SCUBE2: variants seen among roughly 807,000 people sequenced by gnomAD.
SCUBE2 encodes the protein signal peptide, CUB and EGF-like domain-containing protein 2.
In SCUBE2, 114 loss-of-function variants were observed where a neutral mutation model predicts 125.9. The observed-to-expected ratio is 0.91, with a 90% CI of 0.78 to 1.06. The LOEUF (loss-of-function observed/expected upper bound fraction) is 1.06. Among genes scored for constraint, SCUBE2 ranks in the 50% least tolerant of loss-of-function variants. SCUBE2 has a pLI of 0.00. For synonymous variants in SCUBE2, 459 were observed against 492.9 expected (o/e 0.93, Z 0.91); for missense variants, 1,255 against 1,301.8 (o/e 0.96, Z 0.55).
chr11:9,050,570 A>C, intron 14 of SCUBE2, 36 bp downstream of exon 14: 1 of 1,546,052 alleles, frequency 6.5e-7, no homozygotes, highest in East Asian at 2.2e-5. Context: ...TCCCACATGC[A>C]GGCAAGCTCC....
chr11:9,071,936 G>T (rs1314341813), intron 4 of SCUBE2, among the ~76,000 whole-genome samples: 1 of 152,016 alleles, frequency 6.6e-6, no homozygotes, highest in Non-Finnish European at 1.5e-5. Flanking sequence ...CGGGGGTGAT[G>T]TGCTTCTCTC....
chr11:9,069,319 C>T, intron 5 of SCUBE2, 51 bp downstream of exon 5: 1 of 1,604,194 alleles, frequency 6.2e-7, no homozygotes, highest in Non-Finnish European at 8.5e-7. Context: ...CAGAAGGCAG[C>T]CTGTGGAATA....
chr11:9,087,332 T>G (rs976944429), intron 2 of SCUBE2, among the ~76,000 whole-genome samples: 2 of 152,182 alleles, frequency 1.3e-5, no homozygotes, highest in Non-Finnish European at 1.5e-5. Context: ...ACACAGCAAC[T>G]GGAGGACGTG....
intron 3 of SCUBE2, among the ~76,000 whole-genome samples, chr11:9,074,817 C>A (rs1039026382): frequency 1.3e-5 from 2 of 152,228 alleles, no homozygotes; most frequent in Non-Finnish European, 2.9e-5. Flanking sequence ...GCCAGGACCG[C>A]CACATGGACA....
chr11:9,045,652 C>T (rs1464578656), intron 16 of SCUBE2, among the ~76,000 whole-genome samples: 3 of 147,308 alleles, frequency 2.0e-5, no homozygotes, highest in Non-Finnish European at 4.5e-5. Context: ...CACACACACA[C>T]ACAGCCTTGT....
At chr11:9,064,250 A>G (rs1016791214) in intron 7 of SCUBE2, among the ~76,000 whole-genome samples, 1 of 152,168 alleles carries the variant, frequency 6.6e-6, no homozygotes, top group African/African-American at 2.4e-5. Flanking sequence ...GCAGATCGCT[A>G]GAGCCCAGGA....
At chr11:9,029,511 C>A (rs1466138515) in intron 19 of SCUBE2, among the ~76,000 whole-genome samples, 1 of 152,356 alleles carries the variant, frequency 6.6e-6, no homozygotes, top group East Asian at 1.9e-4. Context: ...GAGCTCCTTG[C>A]AGGTTCAGCG....
At chr11:9,021,810 C>A in intron 22 of SCUBE2, 66 bp downstream of exon 22, 1 of 1,203,986 alleles carries the variant, frequency 8.3e-7, no homozygotes, top group Non-Finnish European at 1.2e-6. Flanking sequence ...GGAGGAGAAG[C>A]CTTCTCCAAC....
At chr11:9,028,843 G>A (rs1163726922) in intron 19 of SCUBE2, among the ~76,000 whole-genome samples, 5 of 152,168 alleles carry the variant, frequency 3.3e-5, no homozygotes, top group East Asian at 3.9e-4. Context: ...TTCTAACACT[G>A]TGAGCTTTCT....
At position 9,065,909 on chromosome 11, in the gene SCUBE2, T is replaced by C; in HGVS notation, c.832A>G (p.Lys278Glu). ...TGCCTACCCATGAGCAGCCGCCGTTTCACCCGTTTATCCCCATCCACCACT... is the reference window on the plus strand; with the variant it reads ...TGCCTACCCATGAGCAGCCGCCGTTCCACCCGTTTATCCCCATCCACCACT... Reference protein sequence around the residue: ...TSVVDGDKRVKRRLLMETCAV... With the variant: ...TSVVDGDKRVERRLLMETCAV... The change falls in exon 7 of 23, where the codon AAA (lysine) becomes GAA (glutamate). Residue 278 changes from lysine to glutamate, a missense_variant. This residue lies in a region of SCUBE2 where 378 missense variants were observed against 463.1 expected (regional missense o/e 0.82). Coordinates refer to ENST00000649792, the MANE Select transcript of SCUBE2 (RefSeq NM_001367977.2). 6.2e-7 allele frequency: 1 copy of C among 1,614,160 alleles called. No individual in the cohort carries two copies. Among genetic ancestry groups the C allele is most frequent in the Non-Finnish European group, 8.5e-7 (1 of 1,179,996 alleles).
chr11:9,045,897 C>T lies in SCUBE2; in HGVS notation c.2002+1459G>A, dbSNP rs74549338. Among the ~76,000 whole-genome samples, 19 of 152,126 alleles carry T rather than the reference C, an allele frequency of 1.2e-4. No homozygotes were observed. In the East Asian group the frequency reaches 3.5e-3, roughly 28 times the overall value. ...GAGCTCCTGAGACAAGACACATTGGCTCCCCTAGAAACAAATCAAACCTAA... is the reference window on the plus strand; with the variant it reads ...GAGCTCCTGAGACAAGACACATTGGTTCCCCTAGAAACAAATCAAACCTAA... On this transcript the variant is annotated intron_variant, in intron 16 of 22. Transcript: ENST00000649792.
intron 2 of SCUBE2, among the ~76,000 whole-genome samples, chr11:9,088,356 C>T (rs1642518838): frequency 6.6e-6 from 1 of 152,234 alleles, no homozygotes; most frequent in Admixed American, 6.5e-5. Context: ...GACATGGTGG[C>T]AGGCGCCTGT....
intron 19 of SCUBE2, among the ~76,000 whole-genome samples, chr11:9,029,322 T>G (rs957465307): frequency 6.6e-6 from 1 of 152,202 alleles, no homozygotes; most frequent in Non-Finnish European, 1.5e-5. Context: ...AGGGGTCTCC[T>G]CCCAAAAGGC....
At chr11:9,081,432 A>G (rs1861631959) in intron 2 of SCUBE2, among the ~76,000 whole-genome samples, 1 of 152,238 alleles carries the variant, frequency 6.6e-6, no homozygotes, top group Admixed American at 6.5e-5. Flanking sequence ...TCATATATTT[A>G]GAATCAAACA....
chr11:9,021,019 T>C lies in SCUBE2; in HGVS notation c.*26A>G. 5 of 1,606,604 alleles carry C rather than the reference T, an allele frequency of 3.1e-6. No homozygotes were observed. Among genetic ancestry groups the C allele is most frequent in the Non-Finnish European group, 4.3e-6 (5 of 1,175,928 alleles). On this transcript the variant is annotated 3_prime_UTR_variant, in exon 23 of 23. Coordinates refer to ENST00000649792, the MANE Select transcript of SCUBE2 (RefSeq NM_001367977.2). The stretch of plus-strand genomic sequence containing the variant: ...TCCCACCAACCCTATAGCAGAACAT[T>C]TGTATTGAGTGGCACGTGGGCTGAG...
Position 9,053,179 on chromosome 11 carries a change from C to T in SCUBE2, c.1367G>A (p.Arg456His), listed in dbSNP as rs371339421. The change falls in exon 12 of 23, where the codon CGT (arginine) becomes CAT (histidine). Residue 456 changes from arginine (R) to histidine (H), a missense_variant. Transcript: ENST00000649792. ...KGLLPTSVSPRVSLHCGKSGG... is the reference protein window; with the variant it reads ...KGLLPTSVSPHVSLHCGKSGG... The stretch of plus-strand genomic sequence containing the variant: ...ACTCTTACCGCAGTGCAGGGACACA[C>T]GGGGTGACACACTTGTGGGCAGGAG... 114 of 1,614,194 alleles carry T rather than the reference C, an allele frequency of 7.1e-5. No individual in the cohort carries two copies. Among genetic ancestry groups the T allele is most frequent in the African/African-American group, 4.5e-4 (34 of 75,054 alleles).
At chr11:9,029,755 G>T in intron 19 of SCUBE2, 129 bp downstream of exon 19, 2 of 987,158 alleles carry the variant, frequency 2.0e-6, no homozygotes, top group Non-Finnish European at 3.1e-6. Flanking sequence ...ATGGCTGTGA[G>T]CTGGGCTCAT....
intron 4 of SCUBE2, among the ~76,000 whole-genome samples, chr11:9,072,475 TG>T (rs1191927249): frequency 6.6e-6 from 1 of 152,238 alleles, no homozygotes; most frequent in Non-Finnish European, 1.5e-5. Context: ...CCCAAAGTGC[TG>T]GGATTACAGG....
chr11:9,024,863 T>C (rs1164132351), intron 21 of SCUBE2, among the ~76,000 whole-genome samples: 1 of 152,238 alleles, frequency 6.6e-6, no homozygotes, highest in Non-Finnish European at 1.5e-5. Context: ...TGGGCTGTTA[T>C]AGCAGCTATA....
Sources: allele counts gnomAD v4.1 joint callset (sites outside exome capture counted in the v4.1 genomes callset), GRCh38; gene constraint gnomAD v4.1.1; regional missense constraint gnomAD v4.1.1; transcripts MANE v1.5; gene names NCBI Gene and HGNC (gene_info 2026-07-23, HGNC 2026-07-21).